The following PCDH9 variants were observed in gnomAD, a reference collection of about 807,000 sequenced individuals.
The protein encoded by PCDH9 is protocadherin 9.
In PCDH9, 24 loss-of-function variants were observed where a neutral mutation model predicts 70.6. The ratio of observed to expected loss-of-function variants is 0.34; its 90% CI spans 0.25 to 0.48. The LOEUF is 0.48. Ranked by LOEUF, PCDH9 falls within the 20% of genes least tolerant of loss-of-function variation. The probability of loss-of-function intolerance (pLI) is 0.99; values close to 1 mark genes in which losing one functional copy is unlikely to be tolerated. For missense variants in PCDH9, 1,281 were observed against 1,503.6 expected (o/e 0.85, Z 2.45); for synonymous variants, 562 against 558.5 (o/e 1.01, Z -0.09).
chr13:67,162,540 C>A (rs1389084031), intron 2 of PCDH9, among the ~76,000 whole-genome samples: 1 of 152,188 alleles, frequency 6.6e-6, no homozygotes, highest in African/African-American at 2.4e-5. Context: ...CCTTTCCTAT[C>A]TGATCACCAG....
intron 4 of PCDH9, among the ~76,000 whole-genome samples, chr13:66,548,634 G>A (rs1370895503): frequency 6.6e-6 from 1 of 151,934 alleles, no homozygotes; most frequent in Non-Finnish European, 1.5e-5. Context: ...TGAAACTCTT[G>A]CCTTTGGATT....
intron 2 of PCDH9, chr13:67,219,681 GT>G (rs1372153236): frequency 6.6e-6 from 1 of 152,024 alleles, no homozygotes; most frequent in East Asian, 1.9e-4. Flanking sequence ...TGATATAATG[GT>G]TAGGGTCCTT....
In PCDH9 at chr13:67,116,885, T is replaced by C. The variant is rs1409509412; in HGVS notation, c.3036+108520A>G. Among the ~76,000 whole-genome samples, 5 of 152,298 alleles carry C rather than the reference T, an allele frequency of 3.3e-5. 1 individual carries two copies. Among genetic ancestry groups the C allele is most frequent in the South Asian group, 4.1e-4 (2 of 4,826 alleles). On this transcript the variant is annotated intron_variant, in intron 2 of 4. Transcript: ENST00000377865. ...TCAAACCCATTCTGGCAAACGTATA[T>C]TGTCCCCTCATTATTAATGTTGTCT...
chr13:67,054,318 T>C (rs1266896501), intron 2 of PCDH9, among the ~76,000 whole-genome samples: 1 of 152,144 alleles, frequency 6.6e-6, no homozygotes, highest in East Asian at 1.9e-4. Context: ...ATATATTTTA[T>C]TATTTACCTA....
At chr13:66,979,853 C>G (rs2083702791) in intron 2 of PCDH9, among the ~76,000 whole-genome samples, 1 of 151,894 alleles carries the variant, frequency 6.6e-6, no homozygotes, top group South Asian at 2.1e-4. Flanking sequence ...CTTGCCTATC[C>G]CTCTTTTTTC....
intron 4 of PCDH9, among the ~76,000 whole-genome samples, chr13:66,438,948 C>T (rs1164228195): frequency 6.6e-6 from 1 of 152,156 alleles, no homozygotes; most frequent in African/African-American, 2.4e-5. Flanking sequence ...CTTCCCAATG[C>T]TGAAACTTTT....
chr13:67,078,615 A>G (rs2138177159), intron 2 of PCDH9, among the ~76,000 whole-genome samples: 1 of 152,244 alleles, frequency 6.6e-6, no homozygotes, highest in East Asian at 1.9e-4. Context: ...GCCTCATAAT[A>G]TATCCCTTCT....
chr13:67,195,793 G>T (rs2089047988), intron 2 of PCDH9, among the ~76,000 whole-genome samples: 1 of 151,940 alleles, frequency 6.6e-6, no homozygotes, highest in Non-Finnish European at 1.5e-5. Context: ...AACCAAGAAG[G>T]TCAATTTTAT....
intron 4 of PCDH9, among the ~76,000 whole-genome samples, chr13:66,368,834 A>G (rs1405811643): frequency 1.3e-5 from 2 of 152,046 alleles, no homozygotes; most frequent in South Asian, 4.1e-4. Context: ...GGCAGCAGGC[A>G]AAGAGAGAGA....
At chr13:66,621,291 T>G (rs1388982875) in intron 4 of PCDH9, among the ~76,000 whole-genome samples, 1 of 152,192 alleles carries the variant, frequency 6.6e-6, no homozygotes, top group Non-Finnish European at 1.5e-5. Context: ...AGACCTTGTC[T>G]CTCTAGCTGG....
chr13:66,688,213 AATC>A (rs2078433348), intron 3 of PCDH9, among the ~76,000 whole-genome samples: 1 of 152,116 alleles, frequency 6.6e-6, no homozygotes, highest in South Asian at 2.1e-4. Flanking sequence ...GATTTCATCT[AATC>A]ATCTTCTGTC....
intron 4 of PCDH9, among the ~76,000 whole-genome samples, chr13:66,609,814 T>C (rs2077268366): frequency 6.6e-6 from 1 of 152,144 alleles, no homozygotes; most frequent in African/African-American, 2.4e-5. Flanking sequence ...TAAATGCTAG[T>C]ACTTCATTCA....
At chr13:66,331,169 C>T (rs1955935254) in intron 4 of PCDH9, among the ~76,000 whole-genome samples, 1 of 151,924 alleles carries the variant, frequency 6.6e-6, no homozygotes, top group Non-Finnish European at 1.5e-5. Flanking sequence ...GTTTGCATAT[C>T]CTGGAACATA....
chr13:66,830,908 A>G (rs979227152), intron 3 of PCDH9, among the ~76,000 whole-genome samples: 1 of 152,212 alleles, frequency 6.6e-6, no homozygotes, highest in African/African-American at 2.4e-5. Flanking sequence ...TTTAAGTTTT[A>G]TATTACACAA....
At chr13:66,755,217 C>T (rs1220940731) in intron 3 of PCDH9, among the ~76,000 whole-genome samples, 1 of 151,334 alleles carries the variant, frequency 6.6e-6, no homozygotes, top group African/African-American at 2.4e-5. Flanking sequence ...TTAATTTGAT[C>T]CTCACAATAT....
At chr13:66,882,033 A>G (rs1159137299) in intron 3 of PCDH9, among the ~76,000 whole-genome samples, 1 of 152,190 alleles carries the variant, frequency 6.6e-6, no homozygotes, top group Non-Finnish European at 1.5e-5. Flanking sequence ...GTGTAAATGT[A>G]ACTTACTATT....
chr13:66,547,220 G>C (rs1961247113), intron 4 of PCDH9, among the ~76,000 whole-genome samples: 1 of 152,180 alleles, frequency 6.6e-6, no homozygotes. Flanking sequence ...TGAGATCACA[G>C]TAAAGCTTAC....
rs911490854 is a variant in PCDH9 at position 66,883,987 on chromosome 13, C to T, written c.3138+19517G>A. 2.7e-5 allele frequency among the ~76,000 whole-genome samples: 4 copies of T among 148,704 alleles called. No homozygotes were observed. In the Admixed American group the frequency reaches 2.7e-4, roughly 10 times the overall value. ...GCACGATCTTGGCTCACTGAAACCT[C>T]TGCCTCCCAGGTTCAAGCGATTCTC... On this transcript the variant is annotated intron_variant, in intron 3 of 4. Transcript: ENST00000377865.
chr13:66,897,418 ACCCTAT>A (rs2082201298), intron 3 of PCDH9, among the ~76,000 whole-genome samples: 1 of 152,098 alleles, frequency 6.6e-6, no homozygotes, highest in African/African-American at 2.4e-5. Flanking sequence ...GATGTCTAGT[ACCCTAT>A]CCATGTTTAC....
Sources: gnomAD v4.1 joint callset for allele counts (sites outside exome capture counted in the v4.1 genomes callset) on GRCh38, gnomAD v4.1.1 for gene constraint, MANE v1.5 for transcripts, NCBI Gene and HGNC (gene_info 2026-07-23, HGNC 2026-07-21) for gene names.